The following PATZ1 variants were observed in gnomAD, a reference collection of about 807,000 sequenced individuals.
The protein encoded by PATZ1 is POZ/BTB and AT hook containing zinc finger 1, also known as POZ-, AT hook-, and zinc finger-containing protein 1.
Under a neutral mutation model 46.2 loss-of-function variants are expected in PATZ1, and 9 were observed. The ratio of observed to expected loss-of-function variants is 0.19; its 90% CI spans 0.12 to 0.34. The LOEUF (loss-of-function observed/expected upper bound fraction) is 0.34. Ranked by LOEUF, PATZ1 falls within the 10% of genes least tolerant of loss-of-function variation. PATZ1 has a pLI of 1.00. For synonymous variants in PATZ1, 426 were observed against 378.6 expected, an observed-to-expected ratio of 1.13 and a Z score of -1.45; for missense variants, 632 against 923.0, an observed-to-expected ratio of 0.68 and a Z score of 4.08.
intron 3 of PATZ1, among the ~76,000 whole-genome samples, chr22:31,332,475 C>T (rs983474410): frequency 5.3e-5 from 8 of 152,220 alleles, no homozygotes; most frequent in African/African-American, 1.7e-4. Flanking sequence ...AACAAGCCAC[C>T]GGCCCTTTCA....
At chr22:31,331,593 C>CG (rs2049444667) in intron 3 of PATZ1, among the ~76,000 whole-genome samples, 1 of 152,084 alleles carries the variant, frequency 6.6e-6, no homozygotes, top group Non-Finnish European at 1.5e-5. Flanking sequence ...CCACCCGCCT[C>CG]GGCCTCCCAA....
At chr22:31,342,559 G>A (rs1479569206) in intron 2 of PATZ1, among the ~76,000 whole-genome samples, 1 of 151,972 alleles carries the variant, frequency 6.6e-6, no homozygotes, top group African/African-American at 2.4e-5. Flanking sequence ...GCCCAGCGCA[G>A]TGCCGGGTCT....
chr22:31,333,834 T>G (rs1349199357), intron 3 of PATZ1, among the ~76,000 whole-genome samples: 1 of 152,246 alleles, frequency 6.6e-6, no homozygotes. Flanking sequence ...ACAATAGTTG[T>G]TGGCTTTGCC....
chr22:31,328,734 CCCA>C lies in PATZ1; in HGVS notation c.1645+50_1645+52del, dbSNP rs976571466. The C allele has an allele frequency of 1.3e-6, 2 of 1,576,044 alleles. No homozygotes were observed. The highest frequency in any genetic ancestry group is 2.7e-5 in the African/African-American group (2 of 74,152). On this transcript the variant is annotated intron_variant, in intron 4 of 4. Transcript: ENST00000266269. This position sits in a 1 kb window ranked among gnomAD's most constrained non-coding sequence, Gnocchi z 4.8. Reference sequence around the variant, plus strand: ...GCCTCCCCACGCCCAGCCCAGCGCCCCCACAACACAGTCTGCGCAGAGAAGCAA... The same window carrying C: ...GCCTCCCCACGCCCAGCCCAGCGCCCCAACACAGTCTGCGCAGAGAAGCAA...
At position 31,335,784 on chromosome 22, in the gene PATZ1, A is replaced by G. The variant is rs1161929979; in HGVS notation, c.1415T>C (p.Val472Ala). The G allele has an allele frequency of 3.1e-6, 5 of 1,613,758 alleles. No homozygotes were observed. Among genetic ancestry groups the G allele is most frequent in the Non-Finnish European group, 3.4e-6 (4 of 1,179,962 alleles). The change falls in exon 3 of 5, where the codon GTG becomes GCG. Residue 472 changes from valine to alanine, a missense_variant. By Grantham distance (64) the Val-to-Ala change is moderately conservative (BLOSUM62 0). This residue lies in a region of PATZ1 where 55 missense variants were observed against 169.0 expected (regional missense o/e 0.33). Transcript: ENST00000266269. ...TGCTGCCCGCAAGTACTTCCCACAC[A>G]CCTGGCAGGGCACCTTGTCTTCATG... ...ACHEDKVPCQ[V>A]CGKYLRAAYM... is the part of the protein sequence containing the mutation.
chr22:31,344,586 A>T lies in PATZ1; in HGVS notation c.1017T>A (p.Ser339=). ...TCTTTCGGGGGCCGTCGGGGTCTTC[A>T]GAGATGGGTAGCCCATTCTCACCCA... ...PRLGENGLPI[S]EDPDGPRKRS... The change falls in exon 1 of 5, where the codon TCT becomes TCA. Residue 339 remains serine (S), a synonymous_variant. Transcript: ENST00000266269. 1 of 1,614,138 alleles carries T rather than the reference A, an allele frequency of 6.2e-7. No homozygotes were observed. The highest frequency in any genetic ancestry group is 8.5e-7 in the Non-Finnish European group (1 of 1,180,022).
At position 31,345,308 on chromosome 22, in the gene PATZ1, C is replaced by T. The variant is rs2049638306; in HGVS notation, c.295G>A (p.Gly99Arg). The T allele has an allele frequency of 1.9e-6, 3 of 1,610,750 alleles. No homozygotes were observed. The highest frequency in any genetic ancestry group is 2.2e-5 in the East Asian group (1 of 44,804). Residue 99 changes from glycine to arginine, a missense_variant, in exon 1 of 5, where the codon GGG becomes AGG. By Grantham distance (125) the Gly-to-Arg change is moderately radical. Around this residue, in one of 7 missense-constraint regions of PATZ1, gnomAD observed 62 missense variants for 67.9 expected, o/e 0.91. Transcript: ENST00000266269. The surrounding 1 kb of genome is among the most constrained non-coding windows in gnomAD (Gnocchi z 7.4). ...GATAAPGGGA[G>R]GSRELEMHTI... ...TGCATCTCCAGCTCCCGGCTGCCCC[C>T]GGCCCCGCCGCCTGGTGCTGCCGTC...
Position 31,328,707 on chromosome 22 carries a change from C to G in PATZ1, c.1645+80G>C, listed in dbSNP as rs573962041. Reference sequence around the variant, plus strand: ...GGCAGCCAGAAAGCCGGCAGCCTTCCCGCCTCCCCACGCCCAGCCCAGCGC... The same window carrying G: ...GGCAGCCAGAAAGCCGGCAGCCTTCGCGCCTCCCCACGCCCAGCCCAGCGC... On this transcript the variant is annotated intron_variant, in intron 4 of 4. Transcript: ENST00000266269. This position sits in a 1 kb window ranked among gnomAD's most constrained non-coding sequence, Gnocchi z 4.8. The G allele has an allele frequency of 7.3e-7, 1 of 1,371,478 alleles. No homozygotes were observed. The highest frequency in any genetic ancestry group is 1.2e-5 in the South Asian group (1 of 85,416). The allele number at this position is 1,371,478 out of a possible 1,614,324, so 85.0% of individuals were successfully genotyped here. A position where few individuals can be genotyped will look rare whatever the true frequency, so the allele number is the denominator to read the frequency against.
intron 1 of PATZ1, among the ~76,000 whole-genome samples, chr22:31,343,978 G>A (rs2049615459): frequency 6.6e-6 from 1 of 152,210 alleles, no homozygotes; most frequent in Admixed American, 6.5e-5. Context: ...GGAAGTCGCT[G>A]GAGGAGCCCA....
chr22:31,328,945 T>C lies in PATZ1; in HGVS notation c.1508-21A>G, dbSNP rs781712658. 6.9e-6 allele frequency: 11 copies of C among 1,602,936 alleles called. No homozygotes were observed. The highest frequency in any genetic ancestry group is 6.8e-5 in the Admixed American group (4 of 58,964). Reference sequence around the variant, plus strand: ...GAAACCTAAACAAGACAAAAGGAGATGAGATCCCGCGGCCAGCAAGAGATA... The same window carrying C: ...GAAACCTAAACAAGACAAAAGGAGACGAGATCCCGCGGCCAGCAAGAGATA... On this transcript the variant is annotated intron_variant, in intron 3 of 4. Transcript: ENST00000266269. This position sits in a 1 kb window ranked among gnomAD's most constrained non-coding sequence, Gnocchi z 4.8.
chr22:31,330,083 AG>A (rs1257095622), intron 3 of PATZ1, among the ~76,000 whole-genome samples: 1 of 152,228 alleles, frequency 6.6e-6, no homozygotes, highest in East Asian at 1.9e-4. Flanking sequence ...AAAGGGTCAG[AG>A]GCTGAAGAGT....
chr22:31,339,450 C>T (rs1357096887), intron 2 of PATZ1, among the ~76,000 whole-genome samples: 2 of 152,140 alleles, frequency 1.3e-5, no homozygotes, highest in African/African-American at 2.4e-5. Context: ...CAACACAGAA[C>T]ATGAAAGAGC....
At chr22:31,329,151 G>C (rs771199765) in intron 3 of PATZ1, among the ~76,000 whole-genome samples, 2 of 152,226 alleles carry the variant, frequency 1.3e-5, no homozygotes, top group Non-Finnish European at 2.9e-5. Context: ...ACTCTGCAAG[G>C]CTGCGGTGAG....
In PATZ1 at chr22:31,329,004, C is replaced by A. The variant is rs879037073; in HGVS notation, c.1508-80G>T. 11 of 1,451,060 alleles carry A rather than the reference C, an allele frequency of 7.6e-6. No individual in the cohort carries two copies. The African/African-American group carries it at 1.1e-4, about 15-fold the overall frequency. 89.9% of individuals were successfully genotyped at this position (1,451,060 alleles called of 1,614,324 possible). A position where few individuals can be genotyped will look rare whatever the true frequency, so the allele number is the denominator to read the frequency against. Reference sequence around the variant, plus strand: ...CTTCCCCCAACTCCTCTCCTCTGGCCGCTCTGGCTAGCATTCCCAGGTCAG... The same window carrying A: ...CTTCCCCCAACTCCTCTCCTCTGGCAGCTCTGGCTAGCATTCCCAGGTCAG... On this transcript the variant is annotated intron_variant, in intron 3 of 4. Coordinates refer to ENST00000266269, the MANE Select transcript of PATZ1 (RefSeq NM_014323.3).
intron 3 of PATZ1, among the ~76,000 whole-genome samples, chr22:31,330,449 A>G (rs1402509283): frequency 1.3e-5 from 2 of 152,164 alleles, no homozygotes; most frequent in African/African-American, 2.4e-5. Context: ...CTGTAAGCTG[A>G]GATCATGCCA....
chr22:31,345,885 TC>T lies in PATZ1; in HGVS notation c.-284del, dbSNP rs917214708. 2 of 366,650 alleles carry T rather than the reference TC, an allele frequency of 5.5e-6. No individual in the cohort carries two copies. The highest frequency in any genetic ancestry group is 9.7e-6 in the Non-Finnish European group (2 of 205,144). The allele number at this position is 366,650 out of a possible 1,614,324, so 22.7% of individuals were successfully genotyped here. A position where few individuals can be genotyped will look rare whatever the true frequency, so the allele number is the denominator to read the frequency against. ...CCCGCCTCCCCTTCCCGGTCTACCT[TC>T]CGGGGGGGTGCGCGAGCGAAGAGGT... On this transcript the variant is annotated 5_prime_UTR_variant, in exon 1 of 5. Coordinates refer to ENST00000266269, the MANE Select transcript of PATZ1 (RefSeq NM_014323.3). This position sits in a 1 kb window ranked among gnomAD's most constrained non-coding sequence, Gnocchi z 7.4.
rs1732282463 is a variant in PATZ1 at position 31,327,842 on chromosome 22, C to T, written c.1646-533G>A. ...ACAGAAGCCAATCCTTTTCCTAATG[C>T]TGCAAACATAGCCCTGTCCTTACCG... On this transcript the variant is annotated intron_variant, in intron 4 of 4. Coordinates refer to ENST00000266269, the MANE Select transcript of PATZ1 (RefSeq NM_014323.3). The surrounding 1 kb of genome is among the most constrained non-coding windows in gnomAD (Gnocchi z 4.2). 6.6e-6 allele frequency among the ~76,000 whole-genome samples: 1 copy of T among 152,218 alleles called. No homozygotes were observed. The highest frequency in any genetic ancestry group is 1.5e-5 in the Non-Finnish European group (1 of 68,044).
At chr22:31,334,536 G>C (rs1207951919) in intron 3 of PATZ1, among the ~76,000 whole-genome samples, 1 of 152,150 alleles carries the variant, frequency 6.6e-6, no homozygotes, top group East Asian at 1.9e-4. Flanking sequence ...CAGGAGTGTT[G>C]TGCCTGGTCC....
chr22:31,328,768 A>C lies in PATZ1; in HGVS notation c.1645+19T>G. On this transcript the variant is annotated intron_variant, in intron 4 of 4. Coordinates refer to ENST00000266269, the MANE Select transcript of PATZ1 (RefSeq NM_014323.3). This position sits in a 1 kb window ranked among gnomAD's most constrained non-coding sequence, Gnocchi z 4.8. ...CAGTCTGCGCAGAGAAGCAAAGTGC[A>C]GAGCAAGGGGTCGCTTGCCTTTGTT... 1 of 1,611,014 alleles carries C rather than the reference A, an allele frequency of 6.2e-7. No individual in the cohort carries two copies. Among genetic ancestry groups the C allele is most frequent in the Non-Finnish European group, 8.5e-7 (1 of 1,178,618 alleles).
Sources: allele counts gnomAD v4.1 joint callset (sites outside exome capture counted in the v4.1 genomes callset), GRCh38; gene constraint gnomAD v4.1.1; regional missense constraint gnomAD v4.1.1; non-coding constraint Gnocchi (gnomAD v3.1); transcripts MANE v1.5; gene names NCBI Gene and HGNC (gene_info 2026-07-23, HGNC 2026-07-21).